Variants in AGAP1 observed in about 807,000 individuals in gnomAD.
AGAP1 encodes the protein arf-GAP with GTPase, ANK repeat and PH domain-containing protein 1.
AGAP1 carries 29 observed loss-of-function variants against 105.3 expected under a neutral mutation model. That is an observed-to-expected ratio of 0.28 (90% CI 0.21 to 0.38). The LOEUF is 0.38. Ranked by LOEUF, AGAP1 falls within the 10% of genes least tolerant of loss-of-function variation. AGAP1 has a pLI of 1.00. For missense variants in AGAP1, 998 were observed against 1,165.1 expected (o/e 0.86, Z 2.09); for synonymous variants, 509 against 485.9 (o/e 1.05, Z -0.63).
intron 1 of AGAP1, among the ~76,000 whole-genome samples, chr2:235,572,709 G>C (rs551247312): frequency 3.3e-5 from 5 of 152,336 alleles, no homozygotes; most frequent in Admixed American, 3.3e-4. Flanking sequence ...CATTTGGAAT[G>C]CCACAGCAGC....
chr2:235,924,935 G>A (rs1039862706), intron 11 of AGAP1, among the ~76,000 whole-genome samples: 3 of 126,782 alleles, frequency 2.4e-5, no homozygotes, highest in Non-Finnish European at 4.8e-5. Flanking sequence ...GCACCTGCCC[G>A]TGTCCACACC....
intron 1 of AGAP1, among the ~76,000 whole-genome samples, chr2:235,634,320 T>C (rs561217645): frequency 1.3e-5 from 2 of 152,220 alleles, no homozygotes; most frequent in African/African-American, 4.8e-5. Flanking sequence ...CTTTGGAGTC[T>C]TAAACACAGC....
chr2:236,069,095 C>G (rs924373147), intron 16 of AGAP1, among the ~76,000 whole-genome samples: 4 of 151,376 alleles, frequency 2.6e-5, no homozygotes, highest in Non-Finnish European at 5.9e-5. Flanking sequence ...CTAGTGCGCT[C>G]CAGCCTGGGC....
intron 1 of AGAP1, among the ~76,000 whole-genome samples, chr2:235,627,285 C>T (rs939945390): frequency 1.3e-5 from 2 of 150,582 alleles, no homozygotes; most frequent in South Asian, 2.1e-4. Context: ...CTCCACCTCC[C>T]GGGTTTAAGC....
At position 235,979,797 on chromosome 2, in the gene AGAP1, A is replaced by G. The variant is rs2055013990; in HGVS notation, c.1645+11174A>G. Among the ~76,000 whole-genome samples, 1 of 152,218 alleles carries G rather than the reference A, an allele frequency of 6.6e-6. No individual in the cohort carries two copies. The highest frequency in any genetic ancestry group is 2.4e-5 in the African/African-American group (1 of 41,446). ...AAAAGTGCCTACTGCACACAGTTTA[A>G]TTCTATTTAATTTTTTTAAGTGGAA... On this transcript the variant is annotated intron_variant, in intron 13 of 17. Transcript: ENST00000304032. The surrounding 1 kb of genome is among the most constrained non-coding windows in gnomAD (Gnocchi z 4.5).
At position 236,053,142 on chromosome 2, in the gene AGAP1, G is replaced by C. The variant is rs111929711; in HGVS notation, c.2114+3861G>C. ...GGGGCTCTGGGTTCCAGTGTTAGAG[G>C]TACATGGTGTTACTGTAAGGAGAAG... On this transcript the variant is annotated intron_variant, in intron 16 of 17. Transcript: ENST00000304032. This position sits in a 1 kb window ranked among gnomAD's most constrained non-coding sequence, Gnocchi z 4.6. 4.6e-5 allele frequency among the ~76,000 whole-genome samples: 7 copies of C among 152,334 alleles called. No homozygotes were observed. Among genetic ancestry groups the C allele is most frequent in the African/African-American group, 1.7e-4 (7 of 41,572 alleles).
At position 235,866,949 on chromosome 2, in the gene AGAP1, G is replaced by A. The variant is rs2049198802; in HGVS notation, c.1051-16396G>A. ...CAAATAGAGTCACATCGTGAGTGCTGGGCGTTAGGATCTCAATATCTGAAT... is the reference window on the plus strand; with the variant it reads ...CAAATAGAGTCACATCGTGAGTGCTAGGCGTTAGGATCTCAATATCTGAAT... On this transcript the variant is annotated intron_variant, in intron 9 of 17. Transcript: ENST00000304032. This position sits in a 1 kb window ranked among gnomAD's most constrained non-coding sequence, Gnocchi z 6.1. Among the ~76,000 whole-genome samples, 2 of 152,196 alleles carry A rather than the reference G, an allele frequency of 1.3e-5. No individual in the cohort carries two copies. Among genetic ancestry groups the A allele is most frequent in the African/African-American group, 4.8e-5 (2 of 41,446 alleles).
rs1944812487 is a variant in AGAP1 at position 235,578,526 on chromosome 2, C to T, written c.163+83677C>T. Among the ~76,000 whole-genome samples, 1 of 152,134 alleles carries T rather than the reference C, an allele frequency of 6.6e-6. No homozygotes were observed. ...TACAGACTGGACGCAGTGGCTTATG[C>T]CACCCCAGCACTTTGGGAGGCTGAG... On this transcript the variant is annotated intron_variant, in intron 1 of 17. Transcript: ENST00000304032. The surrounding 1 kb of genome is among the most constrained non-coding windows in gnomAD (Gnocchi z 4.9).
intron 1 of AGAP1, among the ~76,000 whole-genome samples, chr2:235,519,230 A>G (rs1942524728): frequency 6.6e-6 from 1 of 152,072 alleles, no homozygotes; most frequent in South Asian, 2.1e-4. Flanking sequence ...ACACCACCAC[A>G]CCTGGCTAAT....
rs894980926 is a variant in AGAP1 at position 235,971,864 on chromosome 2, G to T, written c.1645+3241G>T. Among the ~76,000 whole-genome samples, 2 of 151,278 alleles carry T rather than the reference G, an allele frequency of 1.3e-5. No homozygotes were observed. Among genetic ancestry groups the T allele is most frequent in the African/African-American group, 4.9e-5 (2 of 41,166 alleles). On this transcript the variant is annotated intron_variant, in intron 13 of 17. Transcript: ENST00000304032. This position sits in a 1 kb window ranked among gnomAD's most constrained non-coding sequence, Gnocchi z 4.8. ...TGCAGTCACGGCTCACTGCAGCCTC[G>T]AACTCCCAGGTTCAAGTGATCTTCC...
rs988100427 is a variant in AGAP1 at position 236,114,360 on chromosome 2, C to T, written c.2115-5832C>T. Among the ~76,000 whole-genome samples, 7 of 152,178 alleles carry T rather than the reference C, an allele frequency of 4.6e-5. No individual in the cohort carries two copies. The highest frequency in any genetic ancestry group is 1.2e-4 in the African/African-American group (5 of 41,436). On this transcript the variant is annotated intron_variant, in intron 16 of 17. Transcript: ENST00000304032. The surrounding 1 kb of genome is among the most constrained non-coding windows in gnomAD (Gnocchi z 5.0). ...ATGCCTCTAGACGGAATAGTCTCAT[C>T]GAGAAGAAGCCATTGTCAGCGTGTC...
At chr2:235,532,816 C>G (rs1943087699) in intron 1 of AGAP1, among the ~76,000 whole-genome samples, 2 of 152,174 alleles carry the variant, frequency 1.3e-5, no homozygotes, top group South Asian at 4.1e-4. Flanking sequence ...TGAGCCGTGC[C>G]ATTCCCTCCT....
intron 4 of AGAP1, among the ~76,000 whole-genome samples, chr2:235,743,047 A>T (rs1952682080): frequency 6.6e-6 from 1 of 152,156 alleles, no homozygotes; most frequent in African/African-American, 2.4e-5. Flanking sequence ...CGTGCCTGTA[A>T]TCCTAGCTGT....
At chr2:235,852,170 A>G (rs2048494027) in intron 9 of AGAP1, among the ~76,000 whole-genome samples, 1 of 152,150 alleles carries the variant, frequency 6.6e-6, no homozygotes, top group Non-Finnish European at 1.5e-5. Flanking sequence ...CCCGTTTCTG[A>G]TTGGGAAGAT....
chr2:235,695,582 A>G (rs1419609381), intron 1 of AGAP1, among the ~76,000 whole-genome samples: 1 of 152,160 alleles, frequency 6.6e-6, no homozygotes, highest in African/African-American at 2.4e-5. Context: ...TTTTTCAAGA[A>G]CAGACAGCTT....
chr2:235,953,969 C>G lies in AGAP1; in HGVS notation c.1484-14493C>G, dbSNP rs1458213126. Among the ~76,000 whole-genome samples, 1 of 152,060 alleles carries G rather than the reference C, an allele frequency of 6.6e-6. No individual in the cohort carries two copies. The highest frequency in any genetic ancestry group is 1.5e-5 in the Non-Finnish European group (1 of 68,026). On this transcript the variant is annotated intron_variant, in intron 12 of 17. Coordinates refer to ENST00000304032, the MANE Select transcript of AGAP1 (RefSeq NM_001037131.3). This position sits in a 1 kb window ranked among gnomAD's most constrained non-coding sequence, Gnocchi z 5.2. ...ATCAGGCCAGGCACAGTGGCTTATGCCTGTAATGCCAACATTTTGGGAGGC... is the reference window on the plus strand; with the variant it reads ...ATCAGGCCAGGCACAGTGGCTTATGGCTGTAATGCCAACATTTTGGGAGGC...
rs1265928696 is a variant in AGAP1 at position 236,078,159 on chromosome 2, T to G, written c.2114+28878T>G. Reference sequence around the variant, plus strand: ...GTGTAGGGCAGGCCAGCCGGGGGTGTGTGTGTGTGTGTGTGTATATGTATG... The same window carrying G: ...GTGTAGGGCAGGCCAGCCGGGGGTGGGTGTGTGTGTGTGTGTATATGTATG... On this transcript the variant is annotated intron_variant, in intron 16 of 17. Coordinates refer to ENST00000304032, the MANE Select transcript of AGAP1 (RefSeq NM_001037131.3). This position sits in a 1 kb window ranked among gnomAD's most constrained non-coding sequence, Gnocchi z 5.3. Among the ~76,000 whole-genome samples, 1 of 149,172 alleles carries G rather than the reference T, an allele frequency of 6.7e-6. No homozygotes were observed. The highest frequency in any genetic ancestry group is 2.6e-5 in the African/African-American group (1 of 39,198).
Position 235,639,040 on chromosome 2 carries a change from G to A in AGAP1, c.164-70139G>A, listed in dbSNP as rs972777382. Among the ~76,000 whole-genome samples, 1 of 152,170 alleles carries A rather than the reference G, an allele frequency of 6.6e-6. No individual in the cohort carries two copies. Among genetic ancestry groups the A allele is most frequent in the Admixed American group, 6.5e-5 (1 of 15,280 alleles). On this transcript the variant is annotated intron_variant, in intron 1 of 17. Coordinates refer to ENST00000304032, the MANE Select transcript of AGAP1 (RefSeq NM_001037131.3). The surrounding 1 kb of genome is among the most constrained non-coding windows in gnomAD (Gnocchi z 5.3). ...CCACTGGTTAAAATAGTGTCAGTAG[G>A]GGTGGAGAGAAGGGGACAAAAGAGT...
intron 12 of AGAP1, among the ~76,000 whole-genome samples, chr2:235,937,041 GGATA>G (rs962395897): frequency 6.6e-6 from 1 of 152,054 alleles, no homozygotes; most frequent in African/African-American, 2.4e-5. Context: ...GTTCTAAGAT[GGATA>G]GACATTTTGT....
Sources: allele counts gnomAD v4.1 joint callset (sites outside exome capture counted in the v4.1 genomes callset), GRCh38; gene constraint gnomAD v4.1.1; non-coding constraint Gnocchi (gnomAD v3.1); transcripts MANE v1.5; gene names NCBI Gene and HGNC (gene_info 2026-07-23, HGNC 2026-07-21).